SCAF8: variants seen among roughly 807,000 people sequenced by gnomAD.
SCAF8 encodes the protein SR-related and CTD-associated factor 8.
Under a neutral mutation model 140.5 loss-of-function variants are expected in SCAF8, and 23 were observed. That is an observed-to-expected ratio of 0.16 (90% CI 0.12 to 0.23). The LOEUF (loss-of-function observed/expected upper bound fraction) is 0.23. Among genes scored for constraint, SCAF8 ranks in the 10% least tolerant of loss-of-function variants. The probability of loss-of-function intolerance (pLI) is 1.00; values close to 1 mark genes in which losing one functional copy is unlikely to be tolerated. For synonymous variants in SCAF8, 575 were observed against 528.9 expected, an observed-to-expected ratio of 1.09 and a Z score of -1.20; for missense variants, 1,397 against 1,555.7, an observed-to-expected ratio of 0.90 and a Z score of 1.72.
chr6:154,751,314 C>T (rs1309941946), intron 1 of SCAF8, among the ~76,000 whole-genome samples: 1 of 151,880 alleles, frequency 6.6e-6, no homozygotes, highest in Admixed American at 6.6e-5. Flanking sequence ...CTGCAACCTC[C>T]GCCTCCCAAG....
Position 154,832,734 on chromosome 6 carries a change from C to T in SCAF8, c.3155C>T (p.Pro1052Leu). 1.9e-6 allele frequency: 3 copies of T among 1,613,904 alleles called. No individual in the cohort carries two copies. Among genetic ancestry groups the T allele is most frequent in the Non-Finnish European group, 2.5e-6 (3 of 1,179,984 alleles). The change falls in exon 20 of 20, where the codon CCT becomes CTT. Residue 1052 changes from proline to leucine, a missense_variant. Around this residue, in one of 5 missense-constraint regions of SCAF8, gnomAD observed 930 missense variants for 874.6 expected, o/e 1.06. Coordinates refer to ENST00000367178, the MANE Select transcript of SCAF8 (RefSeq NM_014892.5). ...GATCCAAGAGAAGGTCCTGGACGGC[C>T]TCCACTAGATGGTAGGGATCATTTT... is the stretch of plus-strand genomic sequence containing the variant. ...PIDPREGPGR[P>L]PLDGRDHFGR...
chr6:154,740,112 A>T (rs1285833499), intron 1 of SCAF8, among the ~76,000 whole-genome samples: 1 of 152,150 alleles, frequency 6.6e-6, no homozygotes, highest in Non-Finnish European at 1.5e-5. Flanking sequence ...TTACCTTGTG[A>T]AAGTCCTTTA....
intron 1 of SCAF8, among the ~76,000 whole-genome samples, chr6:154,738,003 C>A (rs1273103237): frequency 6.6e-6 from 1 of 151,886 alleles, no homozygotes; most frequent in East Asian, 1.9e-4. Flanking sequence ...GGTTTGAAAA[C>A]CAGGAAGATG....
intron 6 of SCAF8, among the ~76,000 whole-genome samples, chr6:154,795,804 C>T (rs1777584520): frequency 6.6e-6 from 1 of 152,138 alleles, no homozygotes; most frequent in Admixed American, 6.5e-5. Flanking sequence ...GGAAGGATTG[C>T]TGTCTTTATA....
intron 2 of SCAF8, among the ~76,000 whole-genome samples, chr6:154,776,200 A>G (rs1055522934): frequency 6.7e-6 from 1 of 150,294 alleles, no homozygotes; most frequent in African/African-American, 2.4e-5. Flanking sequence ...CCTGTCACCC[A>G]GCAGTTTTTT....
chr6:154,802,080 A>G lies in SCAF8; in HGVS notation c.716A>G (p.Gln239Arg). 2 of 1,613,212 alleles carry G rather than the reference A, an allele frequency of 1.2e-6. No individual in the cohort carries two copies. The highest frequency in any genetic ancestry group is 1.7e-6 in the Non-Finnish European group (2 of 1,179,462). Residue 239 changes from glutamine (Q) to arginine (R), a missense_variant, in exon 7 of 20, where the codon CAA becomes CGA. By Grantham distance (43) the Gln-to-Arg change is conservative. Transcript: ENST00000367178. ...LVVQLQALTAQLTAAAAAANT... is the reference protein window; with the variant it reads ...LVVQLQALTARLTAAAAAANT... Reference sequence around the variant, plus strand: ...GTTCAGTTGCAAGCTCTTACGGCACAACTTACAGCTGCAGCTGCAGCTGCC... The same window carrying G: ...GTTCAGTTGCAAGCTCTTACGGCACGACTTACAGCTGCAGCTGCAGCTGCC...
chr6:154,785,058 C>A (rs1018917636), intron 3 of SCAF8, among the ~76,000 whole-genome samples: 2 of 152,108 alleles, frequency 1.3e-5, no homozygotes, highest in Non-Finnish European at 2.9e-5. Flanking sequence ...AAAATGAATT[C>A]TTAAAGTGGT....
At chr6:154,780,642 G>A (rs1327921143) in intron 3 of SCAF8, among the ~76,000 whole-genome samples, 2 of 151,654 alleles carry the variant, frequency 1.3e-5, no homozygotes, top group African/African-American at 2.4e-5. Context: ...CTGTTCCTAT[G>A]TTAGTTTGCT....
At chr6:154,770,118 C>T (rs575917069) in intron 1 of SCAF8, among the ~76,000 whole-genome samples, 1 of 152,084 alleles carries the variant, frequency 6.6e-6, no homozygotes, top group Non-Finnish European at 1.5e-5. Flanking sequence ...ATCTTAACTT[C>T]AAGAGTTTAA....
intron 12 of SCAF8, among the ~76,000 whole-genome samples, chr6:154,811,635 A>G (rs2114652652): frequency 6.6e-6 from 1 of 152,222 alleles, no homozygotes. Context: ...TTTGCTGCAC[A>G]CATCAACTTG....
intron 6 of SCAF8, among the ~76,000 whole-genome samples, chr6:154,796,247 A>G (rs536735357): frequency 1.3e-5 from 2 of 151,954 alleles, no homozygotes; most frequent in African/African-American, 4.8e-5. Flanking sequence ...CTTTTTCTAG[A>G]TGATAGTGTT....
chr6:154,830,040 A>G (rs1778687267), intron 18 of SCAF8, among the ~76,000 whole-genome samples: 1 of 152,240 alleles, frequency 6.6e-6, no homozygotes. Flanking sequence ...GGCTTACCCT[A>G]GGGCCAACCT....
intron 1 of SCAF8, among the ~76,000 whole-genome samples, chr6:154,734,841 A>G (rs1283786852): frequency 6.6e-6 from 1 of 152,152 alleles, no homozygotes; most frequent in Non-Finnish European, 1.5e-5. Context: ...AAGTGTAATT[A>G]TGGCCGGGAA....
chr6:154,733,965 C>A, intron 1 of SCAF8, 35 bp downstream of exon 1: 1 of 1,510,172 alleles, frequency 6.6e-7, no homozygotes. Context: ...TGCTCCTGCC[C>A]GCACCGCCCC....
chr6:154,756,766 C>T (rs1168117878), intron 1 of SCAF8, among the ~76,000 whole-genome samples: 1 of 152,164 alleles, frequency 6.6e-6, no homozygotes, highest in Non-Finnish European at 1.5e-5. Context: ...GTGGCTCACA[C>T]CTGTAATCCC....
chr6:154,822,247 A>G, intron 15 of SCAF8, 29 bp from the exon 16 acceptor site: 2 of 1,587,974 alleles, frequency 1.3e-6, no homozygotes, highest in Non-Finnish European at 1.7e-6. Context: ...ACCTATCCAA[A>G]GGAAATCAAT....
Position 154,808,082 on chromosome 6 carries a change from G to A in SCAF8, c.994G>A (p.Asp332Asn), listed in dbSNP as rs776827420. ...QQQPQKATPQDSQEGTFGSEH... is the reference protein window; with the variant it reads ...QQQPQKATPQNSQEGTFGSEH... ...ATGTTCTCAATAGGCCACTCCTCAGGATAGTCAGGAAGGAACCTTTGGGTC... is the reference window on the plus strand; with the variant it reads ...ATGTTCTCAATAGGCCACTCCTCAGAATAGTCAGGAAGGAACCTTTGGGTC... Residue 332 changes from aspartate (D) to asparagine (N), a missense_variant, in exon 10 of 20, where the codon GAT (aspartate) becomes AAT (asparagine). Physicochemically the swap from Asp to Asn is conservative, Grantham distance 23. Coordinates refer to ENST00000367178, the MANE Select transcript of SCAF8 (RefSeq NM_014892.5). 6.2e-7 allele frequency: 1 copy of A among 1,613,630 alleles called. No individual in the cohort carries two copies. The highest frequency in any genetic ancestry group is 1.3e-5 in the African/African-American group (1 of 74,888).
chr6:154,802,702 G>A (rs1344625519), intron 7 of SCAF8, among the ~76,000 whole-genome samples: 1 of 152,058 alleles, frequency 6.6e-6, no homozygotes, highest in Non-Finnish European at 1.5e-5. Flanking sequence ...GTAAAATCTT[G>A]TATTCACCAC....
At position 154,832,118 on chromosome 6, in the gene SCAF8, A is replaced by G. The variant is rs756170275; in HGVS notation, c.2539A>G (p.Asn847Asp). Residue 847 changes from asparagine (N) to aspartate (D), a missense_variant, in exon 20 of 20, where the codon AAT (asparagine) becomes GAT (aspartate). By Grantham distance (23) the Asn-to-Asp change is conservative. This residue lies in a region of SCAF8 where 930 missense variants were observed against 874.6 expected (regional missense o/e 1.06). Transcript: ENST00000367178. Reference sequence around the variant, plus strand: ...TGGGATTATTGCAGCCCAACCACCAAATATTCTAAATAACTCTGGAATATT... The same window carrying G: ...TGGGATTATTGCAGCCCAACCACCAGATATTCTAAATAACTCTGGAATATT... ...SSGIIAAQPP[N>D]ILNNSGILGI... 83 of 1,613,966 alleles carry G rather than the reference A, an allele frequency of 5.1e-5. No homozygotes were observed. The East Asian group carries it at 1.8e-3, about 34-fold the overall frequency.
Sources: allele counts gnomAD v4.1 joint callset (sites outside exome capture counted in the v4.1 genomes callset), GRCh38; gene constraint gnomAD v4.1.1; regional missense constraint gnomAD v4.1.1; transcripts MANE v1.5; gene names NCBI Gene and HGNC (gene_info 2026-07-23, HGNC 2026-07-21).